Variants in C1QTNF2 observed in about 807,000 individuals in gnomAD.
C1QTNF2 encodes C1q and TNF related 2, also known as complement C1q tumor necrosis factor-related protein 2.
A neutral mutation model predicts 17.4 loss-of-function variants in C1QTNF2; 15 were observed. The ratio of observed to expected loss-of-function variants is 0.86; its 90% confidence interval spans 0.58 to 1.33. The LOEUF (loss-of-function observed/expected upper bound fraction) is 1.33, where lower values mean the gene tolerates loss of function less well. Among genes scored for constraint, C1QTNF2 ranks in the 40% most tolerant of loss-of-function variants. The pLI, the probability that C1QTNF2 is intolerant of heterozygous loss-of-function variation, is 0.00. For synonymous variants in C1QTNF2, 154 were observed against 163.3 expected (o/e 0.94, Z 0.44); for missense variants, 381 against 392.3 (o/e 0.97, Z 0.24).
rs1763863686 is a variant in C1QTNF2 at position 160,349,368 on chromosome 5, T to A, written c.658A>T (p.Ile220Phe). The A allele has an allele frequency of 6.2e-7, 1 of 1,613,932 alleles. No homozygotes were observed. The highest frequency in any genetic ancestry group is 1.7e-5 in the Admixed American group (1 of 59,998). Residue 220 changes from isoleucine to phenylalanine, a missense_variant, in exon 3 of 3, where the codon ATC becomes TTC. Transcript: ENST00000652664. This position sits in a 1 kb window ranked among gnomAD's most constrained non-coding sequence, Gnocchi z 4.3. Reference protein sequence around the residue: ...IGLVHNGQYRIRTFDANTGNH... With the variant: ...IGLVHNGQYRFRTFDANTGNH... ...CCGGTGTTGGCATCAAAGGTCCGGA[T>A]GCGGTACTGGCCGTTGTGCACCAGG... is the stretch of plus-strand genomic sequence containing the variant.
In C1QTNF2 at chr5:160,349,265, G is replaced by C; in HGVS notation, c.761C>G (p.Ser254Ter). 6.2e-7 allele frequency: 1 copy of C among 1,614,204 alleles called. No homozygotes were observed. The highest frequency in any genetic ancestry group is 8.5e-7 in the Non-Finnish European group (1 of 1,180,042). The change falls in exon 3 of 3, where the codon TCA becomes TGA. Residue 254 changes from serine to a stop codon, truncating the protein, a stop_gained. Transcript: ENST00000652664. LOFTEE classifies it high-confidence loss of function. This position sits in a 1 kb window ranked among gnomAD's most constrained non-coding sequence, Gnocchi z 4.3. Reference sequence around the variant, plus strand: ...GTCATAGAAGAGCCCGTTCTGCTCTGAGTAGAAGATCTGCAGCCAAACTTC... The same window carrying C: ...GTCATAGAAGAGCCCGTTCTGCTCTCAGTAGAAGATCTGCAGCCAAACTTC... ...GDEVWLQIFY[S>*]EQNGLFYDPY...
intron 1 of C1QTNF2, among the ~76,000 whole-genome samples, chr5:160,359,296 C>T (rs1764108192): frequency 6.8e-6 from 1 of 146,352 alleles, no homozygotes; most frequent in Non-Finnish European, 1.5e-5. Context: ...CCTGCCCCTG[C>T]TATTTTCCCC....
chr5:160,359,716 C>T (rs1333827756), intron 1 of C1QTNF2, among the ~76,000 whole-genome samples: 1 of 152,220 alleles, frequency 6.6e-6, no homozygotes, highest in Admixed American at 6.5e-5. Context: ...GGGACAGCCT[C>T]CTGGGCCCTG....
At position 160,355,573 on chromosome 5, in the gene C1QTNF2, C is replaced by T. The variant is rs186175824; in HGVS notation, c.-9-553G>A. On this transcript the variant is annotated intron_variant, in intron 1 of 2. Coordinates refer to ENST00000652664, the MANE Select transcript of C1QTNF2 (RefSeq NM_031908.6). ...CCGTGGTAGCAGCTCCTCCCCCAAG[C>T]GCTTCCTGTGCGCCAGGCATGTGCT... Among the ~76,000 whole-genome samples, 234 of 152,268 alleles carry T rather than the reference C, an allele frequency of 1.5e-3. 5 individuals carry two copies. Among genetic ancestry groups the T allele is most frequent in the Admixed American group, 8.4e-3 (128 of 15,296 alleles).
intron 1 of C1QTNF2, among the ~76,000 whole-genome samples, chr5:160,367,133 G>A (rs928114907): frequency 2.0e-5 from 3 of 152,014 alleles, no homozygotes; most frequent in Non-Finnish European, 4.4e-5. Flanking sequence ...GCCTAGACAA[G>A]CAGGGATCAG....
chr5:160,349,555 G>C lies in C1QTNF2; in HGVS notation c.471C>G (p.Thr157=). 3.1e-6 allele frequency: 5 copies of C among 1,613,086 alleles called. No homozygotes were observed. Among genetic ancestry groups the C allele is most frequent in the Non-Finnish European group, 3.4e-6 (4 of 1,179,766 alleles). The part of the protein sequence containing the change: ...HTKSAFSVAV[T]KSYPRERLPI... ...GCAGCCGCTCCCGTGGGTAGCTCTT[G>C]GTCACTGCCACCGAGAAAGCTGACT... Residue 157 remains threonine, a synonymous_variant, in exon 3 of 3, where the codon ACC becomes ACG. Coordinates refer to ENST00000652664, the MANE Select transcript of C1QTNF2 (RefSeq NM_031908.6). The surrounding 1 kb of genome is among the most constrained non-coding windows in gnomAD (Gnocchi z 4.3).
chr5:160,364,713 A>C (rs1255151108), intron 1 of C1QTNF2, among the ~76,000 whole-genome samples: 1 of 152,172 alleles, frequency 6.6e-6, no homozygotes, highest in Non-Finnish European at 1.5e-5. Flanking sequence ...GCTACCAAAA[A>C]AAAGTCCTAG....
At chr5:160,356,177 T>C (rs1382033336) in intron 1 of C1QTNF2, among the ~76,000 whole-genome samples, 2 of 152,242 alleles carry the variant, frequency 1.3e-5, no homozygotes, top group Non-Finnish European at 2.9e-5. Flanking sequence ...CTTTGCTTTG[T>C]AATTAACAGC....
At position 160,354,978 on chromosome 5, in the gene C1QTNF2, G is replaced by A; in HGVS notation, c.34C>T (p.Pro12Ser). 2 of 1,590,118 alleles carry A rather than the reference G, an allele frequency of 1.3e-6. No homozygotes were observed. Among genetic ancestry groups the A allele is most frequent in the East Asian group, 2.3e-5 (1 of 44,130 alleles). Residue 12 changes from proline (P) to serine (S), a missense_variant, in exon 2 of 3, where the codon CCC (proline) becomes TCC (serine). Pro to Ser is a moderately conservative substitution (Grantham distance 74). Transcript: ENST00000652664. ...CCAAGCAGTGGGTCAGCAGCACAGGGGAGGGCACAGGCCAGGAGCACCCAG... is the reference window on the plus strand; with the variant it reads ...CCAAGCAGTGGGTCAGCAGCACAGGAGAGGGCACAGGCCAGGAGCACCCAG... The part of the protein sequence containing the change: ...IPWVLLACAL[P>S]CAADPLLGAF...
At position 160,348,436 on chromosome 5, in the gene C1QTNF2, C is replaced by G. The variant is rs1270843020; in HGVS notation, c.*732G>C. The G allele has an allele frequency of 6.6e-6, 1 of 152,304 alleles. No homozygotes were observed. Among genetic ancestry groups the G allele is most frequent in the Non-Finnish European group, 1.5e-5 (1 of 68,098 alleles). The allele number at this position is 152,304 out of a possible 1,614,324, so 9.4% of individuals were successfully genotyped here. On this transcript the variant is annotated 3_prime_UTR_variant, in exon 3 of 3. Coordinates refer to ENST00000652664, the MANE Select transcript of C1QTNF2 (RefSeq NM_031908.6). ...CTCCCTTCTCAGTTCTTACCTTGGC[C>G]CCTCCCTCTTTCCTGTCAAGGTCTT... is the stretch of plus-strand genomic sequence containing the variant.
At chr5:160,358,612 G>T (rs1368385541) in intron 1 of C1QTNF2, among the ~76,000 whole-genome samples, 1 of 151,930 alleles carries the variant, frequency 6.6e-6, no homozygotes, top group Admixed American at 6.6e-5. Flanking sequence ...GGACCTACAG[G>T]AGTGTGCCAC....
At position 160,348,465 on chromosome 5, in the gene C1QTNF2, A is replaced by G. The variant is rs1314443074; in HGVS notation, c.*703T>C. ...CCCTCTTTCCTGTCAAGGTCTTTGCACTTGCAGAGCCTTTTGCTGGAGACC... is the reference window on the plus strand; with the variant it reads ...CCCTCTTTCCTGTCAAGGTCTTTGCGCTTGCAGAGCCTTTTGCTGGAGACC... On this transcript the variant is annotated 3_prime_UTR_variant, in exon 3 of 3. Coordinates refer to ENST00000652664, the MANE Select transcript of C1QTNF2 (RefSeq NM_031908.6). 6.6e-6 allele frequency: 1 copy of G among 152,118 alleles called. No homozygotes were observed. Among genetic ancestry groups the G allele is most frequent in the East Asian group, 1.9e-4 (1 of 5,186 alleles). 9.4% of individuals were successfully genotyped at this position (152,118 alleles called of 1,614,324 possible). A position where few individuals can be genotyped will look rare whatever the true frequency, so the allele number is the denominator to read the frequency against.
In C1QTNF2 at chr5:160,354,782, TC is replaced by T; in HGVS notation, c.229del (p.Asp77ThrfsTer80). 1.2e-6 allele frequency: 2 copies of T among 1,613,424 alleles called. No individual in the cohort carries two copies. Among genetic ancestry groups the T allele is most frequent in the South Asian group, 1.1e-5 (1 of 91,036 alleles). On this transcript the variant is annotated frameshift_variant, in exon 2 of 3. Coordinates refer to ENST00000652664, the MANE Select transcript of C1QTNF2 (RefSeq NM_031908.6). LOFTEE classifies it high-confidence loss of function. ...GQDGHDGDRG[D>X]SGEEGPPGRT... ...AGGCCTCTTACCTTCCTCTCCGCTGTCCCCCCGGTCGCCGTCGTGTCCATCT... is the reference window on the plus strand; with the variant it reads ...AGGCCTCTTACCTTCCTCTCCGCTGTCCCCCGGTCGCCGTCGTGTCCATCT...
intron 1 of C1QTNF2, among the ~76,000 whole-genome samples, chr5:160,362,620 G>A (rs1421612451): frequency 6.6e-6 from 1 of 152,140 alleles, no homozygotes; most frequent in Non-Finnish European, 1.5e-5. Context: ...ACTGGCGTTT[G>A]AGGACCTCCC....
intron 1 of C1QTNF2, among the ~76,000 whole-genome samples, chr5:160,355,795 G>A (rs1561824000): frequency 7.2e-6 from 1 of 138,688 alleles, no homozygotes; most frequent in South Asian, 2.3e-4. Flanking sequence ...AAAACATCAT[G>A]AGATATTTCT....
chr5:160,354,403 C>T (rs1041401251), intron 2 of C1QTNF2, among the ~76,000 whole-genome samples: 37 of 151,354 alleles, frequency 2.4e-4, no homozygotes, highest in Admixed American at 1.9e-3. Context: ...CATGGTGAAA[C>T]CCCCTCTCTA....
chr5:160,364,006 G>A (rs192954070), intron 1 of C1QTNF2, among the ~76,000 whole-genome samples: 21 of 152,282 alleles, frequency 1.4e-4, no homozygotes, highest in Admixed American at 9.2e-4. Context: ...AGTCACATGT[G>A]TCAGTTTGTC....
chr5:160,360,030 C>T (rs1428852973), intron 1 of C1QTNF2, among the ~76,000 whole-genome samples: 3 of 152,208 alleles, frequency 2.0e-5, no homozygotes, highest in Non-Finnish European at 4.4e-5. Context: ...CGGCTCCACC[C>T]TCTTGGTTTG....
chr5:160,358,754 A>G (rs1165764799), intron 1 of C1QTNF2, among the ~76,000 whole-genome samples: 3 of 151,616 alleles, frequency 2.0e-5, no homozygotes, highest in East Asian at 1.9e-4. Flanking sequence ...CTTATTACGC[A>G]CCTACAATGT....
Sources: allele counts gnomAD v4.1 joint callset (sites outside exome capture counted in the v4.1 genomes callset), GRCh38; gene constraint gnomAD v4.1.1; non-coding constraint Gnocchi (gnomAD v3.1); transcripts MANE v1.5; gene names NCBI Gene and HGNC (gene_info 2026-07-23, HGNC 2026-07-21).